The following CDH13 variants were observed in gnomAD, a reference collection of about 807,000 sequenced individuals.
CDH13 encodes the protein cadherin-13.
A neutral mutation model predicts 63.8 loss-of-function variants in CDH13; 24 were observed. That is an observed-to-expected ratio of 0.38 (90% CI 0.27 to 0.53). The LOEUF (loss-of-function observed/expected upper bound fraction) is 0.53, where lower values mean the gene tolerates loss of function less well. Ranked by LOEUF, CDH13 falls within the 20% of genes least tolerant of loss-of-function variation. The probability of loss-of-function intolerance (pLI) is 0.85; values close to 1 mark genes in which losing one functional copy is unlikely to be tolerated. For missense variants in CDH13, 1,049 were observed against 903.1 expected, an observed-to-expected ratio of 1.16 and a Z score of -2.07; for synonymous variants, 503 against 355.3, an observed-to-expected ratio of 1.42 and a Z score of -4.67.
chr16:83,261,080 C>A (rs1906930809), intron 5 of CDH13, among the ~76,000 whole-genome samples: 1 of 152,066 alleles, frequency 6.6e-6, no homozygotes, highest in African/African-American at 2.4e-5. Context: ...GGCCCCTTGG[C>A]TCACAGGTCC....
intron 2 of CDH13, among the ~76,000 whole-genome samples, chr16:82,888,633 C>A (rs181346936): frequency 9.9e-5 from 15 of 152,186 alleles, no homozygotes; most frequent in Admixed American, 4.6e-4. Context: ...TTGTAGACCT[C>A]CCCTAGCACT....
At chr16:83,261,241 C>G (rs751064477) in intron 5 of CDH13, among the ~76,000 whole-genome samples, 1 of 152,130 alleles carries the variant, frequency 6.6e-6, no homozygotes, top group Non-Finnish European at 1.5e-5. Flanking sequence ...AACTAAGTGG[C>G]TTTGAGAGGA....
chr16:82,994,377 C>T (rs1403518765), intron 2 of CDH13, among the ~76,000 whole-genome samples: 2 of 152,162 alleles, frequency 1.3e-5, no homozygotes, highest in Admixed American at 1.3e-4. Context: ...ATCATCAAGC[C>T]TCAGCGGGGT....
intron 2 of CDH13, among the ~76,000 whole-genome samples, chr16:82,987,158 T>G (rs1911046312): frequency 6.6e-6 from 1 of 152,196 alleles, no homozygotes. Context: ...TAGCCTCCAT[T>G]GCTCCCTCCT....
intron 5 of CDH13, among the ~76,000 whole-genome samples, chr16:83,295,413 A>G (rs1306600144): frequency 6.6e-6 from 1 of 152,194 alleles, no homozygotes; most frequent in African/African-American, 2.4e-5. Flanking sequence ...AGCAAATGAA[A>G]CAACAGGGTA....
intron 1 of CDH13, among the ~76,000 whole-genome samples, chr16:82,790,596 T>C (rs2036252240): frequency 6.6e-6 from 1 of 152,200 alleles, no homozygotes; most frequent in East Asian, 1.9e-4. Context: ...TATTAGTCCC[T>C]TCTCACGTTG....
chr16:83,032,037 A>G lies in CDH13; in HGVS notation c.185A>G (p.Asp62Gly), dbSNP rs1355745267. 6.2e-7 allele frequency: 1 copy of G among 1,601,836 alleles called. No homozygotes were observed. Among genetic ancestry groups the G allele is most frequent in the East Asian group, 2.3e-5 (1 of 44,350 alleles). ...ACCTTCAGTGACTGTAAGGGAAACG[A>G]CAAGCTACGCTATGAGGTCTCGAGC... Reference protein sequence around the residue: ...NLTFSDCKGNDKLRYEVSSPY... With the variant: ...NLTFSDCKGNGKLRYEVSSPY... Residue 62 changes from aspartate to glycine, a missense_variant, in exon 3 of 14, where the codon GAC becomes GGC. Asp to Gly is a moderately conservative substitution (Grantham distance 94). Coordinates refer to ENST00000567109, the MANE Select transcript of CDH13 (RefSeq NM_001257.5).
intron 2 of CDH13, among the ~76,000 whole-genome samples, chr16:83,002,329 G>A (rs1356749277): frequency 1.3e-5 from 2 of 152,202 alleles, no homozygotes; most frequent in East Asian, 3.9e-4. Flanking sequence ...AACTCTTGGA[G>A]TGATGTGGCC....
intron 6 of CDH13, among the ~76,000 whole-genome samples, chr16:83,351,721 G>A (rs12934023): frequency 0.042 from 6,381 of 152,192 alleles, 177 homozygotes; most frequent in Non-Finnish European, 0.061. Context: ...ATTTCTATAG[G>A]ATATATTTAC....
At chr16:83,653,999 A>G (rs1042527808) in intron 8 of CDH13, among the ~76,000 whole-genome samples, 13 of 152,276 alleles carry the variant, frequency 8.5e-5, no homozygotes, top group African/African-American at 2.6e-4. Context: ...GGGTGGGGGA[A>G]TTAACATACT....
At chr16:83,008,150 T>A (rs1913740375) in intron 2 of CDH13, among the ~76,000 whole-genome samples, 1 of 152,102 alleles carries the variant, frequency 6.6e-6, no homozygotes, top group Admixed American at 6.6e-5. Context: ...TACATTCTCG[T>A]GAAAGAGGCA....
chr16:83,092,993 C>G (rs1227804870), intron 3 of CDH13, among the ~76,000 whole-genome samples: 2 of 152,156 alleles, frequency 1.3e-5, no homozygotes, highest in African/African-American at 4.8e-5. Context: ...GTGATAGTAT[C>G]TACTAATGAA....
chr16:83,017,961 C>A (rs763832040), intron 2 of CDH13, among the ~76,000 whole-genome samples: 4 of 152,166 alleles, frequency 2.6e-5, no homozygotes, highest in Non-Finnish European at 4.4e-5. Context: ...GGTTGGGAAA[C>A]AAGCCCAGCA....
chr16:83,689,468 A>T (rs1219311489), intron 10 of CDH13, among the ~76,000 whole-genome samples: 1 of 152,236 alleles, frequency 6.6e-6, no homozygotes, highest in Non-Finnish European at 1.5e-5. Flanking sequence ...AGCAAGCACG[A>T]GGAGCTTATC....
intron 1 of CDH13, among the ~76,000 whole-genome samples, chr16:82,761,205 A>T (rs1169654705): frequency 6.7e-6 from 1 of 150,268 alleles, no homozygotes; most frequent in Non-Finnish European, 1.5e-5. Flanking sequence ...TGTATTTTTG[A>T]CGGGGTTTCA....
intron 3 of CDH13, among the ~76,000 whole-genome samples, chr16:83,098,994 T>G (rs72798326): frequency 0.05 from 7,594 of 152,152 alleles, 275 homozygotes; most frequent in Non-Finnish European, 0.072. Flanking sequence ...AGAAAAATAA[T>G]AGCTAACACT....
chr16:83,636,961 G>A (rs1911318786), intron 8 of CDH13, among the ~76,000 whole-genome samples: 1 of 152,170 alleles, frequency 6.6e-6, no homozygotes, highest in Non-Finnish European at 1.5e-5. Flanking sequence ...TCCAACTGGT[G>A]TGAGATGGTA....
At chr16:83,393,127 T>C (rs1322669724) in intron 6 of CDH13, among the ~76,000 whole-genome samples, 1 of 152,274 alleles carries the variant, frequency 6.6e-6, no homozygotes, top group East Asian at 1.9e-4. Context: ...CTAGATAAAG[T>C]GTCCCCAAGG....
rs544268083 is a variant in CDH13 at position 83,317,318 on chromosome 16, A to G, written c.637-27544A>G. On this transcript the variant is annotated intron_variant, in intron 5 of 13. Transcript: ENST00000567109. ...TGTTGAAAGCCTTTGCTGGTGTCAC[A>G]TCTGCTTGAATGTGATACAAGCAAA... 5.9e-5 allele frequency among the ~76,000 whole-genome samples: 9 copies of G among 152,334 alleles called. No individual in the cohort carries two copies. In the East Asian group the frequency reaches 1.5e-3, roughly 26 times the overall value.
Sources: allele counts gnomAD v4.1 joint callset (sites outside exome capture counted in the v4.1 genomes callset), GRCh38; gene constraint gnomAD v4.1.1; transcripts MANE v1.5; gene names NCBI Gene and HGNC (gene_info 2026-07-23, HGNC 2026-07-21).